Variants in ARHGEF4 observed in about 807,000 individuals in gnomAD.
The protein encoded by ARHGEF4 is APC-stimulated guanine nucleotide exchange factor 1.
A neutral mutation model predicts 162.0 loss-of-function variants in ARHGEF4; 119 were observed. The observed-to-expected ratio is 0.73, with a 90% confidence interval of 0.63 to 0.86. ARHGEF4 has a LOEUF of 0.86. ARHGEF4 is among the 40% of genes least tolerant of loss of function. ARHGEF4 has a pLI of 0.00. For synonymous variants in ARHGEF4, 1,014 were observed against 979.9 expected, an observed-to-expected ratio of 1.03 and a Z score of -0.65; for missense variants, 2,488 against 2,456.0, an observed-to-expected ratio of 1.01 and a Z score of -0.28.
rs759809329 is a variant in ARHGEF4, at chr2:131,015,511, C to T, written c.3986-12434C>T. On this transcript the variant is annotated intron_variant, in intron 4 of 13. Coordinates refer to ENST00000409359, the MANE Select transcript of ARHGEF4 (RefSeq NM_001367493.1). ...TGGTCGGGGAGCCCTGGTGTGGGTG[C>T]CTGGGAACTCTGTGCTGGTTGACCG... is the stretch of plus-strand genomic sequence containing the variant. 2.6e-4 allele frequency among the ~76,000 whole-genome samples: 40 copies of T among 152,128 alleles called. 1 individual carries two copies. The highest frequency in any genetic ancestry group is 7.3e-5 in the Non-Finnish European group (5 of 68,028).
At chr2:130,884,556 ATATATGG>A (rs1679393188) in intron 1 of ARHGEF4, among the ~76,000 whole-genome samples, 1 of 152,076 alleles carries the variant, frequency 6.6e-6, no homozygotes, top group African/African-American at 2.4e-5. Context: ...AGCGCACCTG[ATATATGG>A]TGGCTGGCAT....
At chr2:130,866,467 T>C (rs996381523) in intron 1 of ARHGEF4, among the ~76,000 whole-genome samples, 4 of 152,282 alleles carry the variant, frequency 2.6e-5, no homozygotes, top group Admixed American at 2.0e-4. Context: ...CCATGCTATG[T>C]TATGTGGCAA....
At chr2:131,000,823 A>G (rs971604102) in intron 4 of ARHGEF4, among the ~76,000 whole-genome samples, 2 of 152,224 alleles carry the variant, frequency 1.3e-5, no homozygotes, top group Non-Finnish European at 2.9e-5. Context: ...AAAGCCTATT[A>G]TAAAGGAAAA....
intron 4 of ARHGEF4, among the ~76,000 whole-genome samples, chr2:131,025,755 C>T (rs1042502798): frequency 8.5e-5 from 13 of 152,162 alleles, no homozygotes; most frequent in South Asian, 2.1e-4. Flanking sequence ...TACAGGGATG[C>T]GTTTCCTTCT....
intron 1 of ARHGEF4, among the ~76,000 whole-genome samples, chr2:130,871,860 C>A (rs1191419236): frequency 6.6e-6 from 1 of 152,132 alleles, no homozygotes. Context: ...ATGGAGAGAC[C>A]TTATCTCCCT....
intron 4 of ARHGEF4, among the ~76,000 whole-genome samples, chr2:131,023,388 A>G (rs1405465999): frequency 6.6e-6 from 1 of 152,104 alleles, no homozygotes; most frequent in Non-Finnish European, 1.5e-5. Context: ...AGCCATGATC[A>G]TGCCCCTGCA....
At chr2:131,004,444 C>T (rs1187640671) in intron 4 of ARHGEF4, among the ~76,000 whole-genome samples, 3 of 152,198 alleles carry the variant, frequency 2.0e-5, no homozygotes, top group Non-Finnish European at 4.4e-5. Context: ...GGATTACAGG[C>T]GTGAGCCACC....
chr2:130,975,906 G>A (rs1315952841), intron 4 of ARHGEF4, among the ~76,000 whole-genome samples: 1 of 152,136 alleles, frequency 6.6e-6, no homozygotes, highest in Admixed American at 6.5e-5. Context: ...GAGAAAGGAC[G>A]GGCGCTCAGG....
Position 130,999,909 on chromosome 2 carries a change from A to G in ARHGEF4, c.3986-28036A>G, listed in dbSNP as rs574083303. Among the ~76,000 whole-genome samples, 23 of 152,256 alleles carry G rather than the reference A, an allele frequency of 1.5e-4. No homozygotes were observed. In the South Asian group the frequency reaches 4.8e-3, roughly 32 times the overall value. ...GTATTTTTAGTAGAGGCAGGGTTTC[A>G]CCATGTTGGCCAGGCTGGTCTTGAA... On this transcript the variant is annotated intron_variant, in intron 4 of 13. Coordinates refer to ENST00000409359, the MANE Select transcript of ARHGEF4 (RefSeq NM_001367493.1).
chr2:131,009,291 ATGT>A (rs767191046), intron 4 of ARHGEF4, among the ~76,000 whole-genome samples: 2 of 152,206 alleles, frequency 1.3e-5, no homozygotes, highest in Non-Finnish European at 2.9e-5. Flanking sequence ...CAATTCAAAG[ATGT>A]TGTTACAGTA....
intron 1 of ARHGEF4, among the ~76,000 whole-genome samples, chr2:130,884,633 C>T (rs1679399481): frequency 6.6e-6 from 1 of 152,106 alleles, no homozygotes; most frequent in African/African-American, 2.4e-5. Context: ...AGCGTTCATC[C>T]TCTGCTGGAC....
At chr2:130,981,383 C>T (rs1361075192) in intron 4 of ARHGEF4, among the ~76,000 whole-genome samples, 9 of 152,074 alleles carry the variant, frequency 5.9e-5, no homozygotes, top group Non-Finnish European at 1.2e-4. Context: ...CAAATAAAAA[C>T]TAGAAGTGAA....
At chr2:131,030,912 C>T (rs937922785) in intron 5 of ARHGEF4, among the ~76,000 whole-genome samples, 5 of 152,254 alleles carry the variant, frequency 3.3e-5, no homozygotes, top group Non-Finnish European at 7.3e-5. Flanking sequence ...TGTCCTGCGA[C>T]AGGCCAGTTC....
chr2:130,882,104 C>T (rs924485874), intron 1 of ARHGEF4, among the ~76,000 whole-genome samples: 11 of 152,128 alleles, frequency 7.2e-5, no homozygotes, highest in African/African-American at 1.9e-4. Context: ...TCCCCAAGCC[C>T]GCTTTCCCAA....
intron 4 of ARHGEF4, among the ~76,000 whole-genome samples, chr2:130,953,721 C>A (rs1279734610): frequency 2.0e-5 from 3 of 152,010 alleles, no homozygotes; most frequent in Non-Finnish European, 2.9e-5. Context: ...AAAAAAACAA[C>A]CCTGTCAAAA....
At chr2:130,991,002 C>T (rs1455206190) in intron 4 of ARHGEF4, among the ~76,000 whole-genome samples, 1 of 152,150 alleles carries the variant, frequency 6.6e-6, no homozygotes, top group Non-Finnish European at 1.5e-5. Flanking sequence ...TTTAGTGATA[C>T]AGGGCATTTG....
At chr2:131,028,451 A>G (rs145568151) in intron 5 of ARHGEF4, among the ~76,000 whole-genome samples, 213 of 152,128 alleles carry the variant, frequency 1.4e-3, no homozygotes, top group Non-Finnish European at 2.3e-3. Flanking sequence ...TGACCCCCCA[A>G]CCAGCCATCT....
At chr2:130,974,272 GAA>G (rs751083208) in intron 4 of ARHGEF4, among the ~76,000 whole-genome samples, 8 of 133,482 alleles carry the variant, frequency 6.0e-5, no homozygotes, top group Admixed American at 1.5e-4. Flanking sequence ...ATCTTGTCTG[GAA>G]AAAAAAAAAA....
chr2:130,962,739 A>G lies in ARHGEF4; in HGVS notation c.3985+16104A>G, dbSNP rs150549191. ...CTCATTTCATCCTCTCCCTCTCAAT[A>G]CTTCTGCTGCTTACACTAGAAGCAG... On this transcript the variant is annotated intron_variant, in intron 4 of 13. Coordinates refer to ENST00000409359, the MANE Select transcript of ARHGEF4 (RefSeq NM_001367493.1). Among the ~76,000 whole-genome samples the G allele has an allele frequency of 6.5e-3, 954 of 147,862 alleles. 12 individuals are homozygous for G. The highest frequency in any genetic ancestry group is 0.023 in the African/African-American group (921 of 39,766).
Sources: gnomAD v4.1 joint callset for allele counts (sites outside exome capture counted in the v4.1 genomes callset) on GRCh38, gnomAD v4.1.1 for gene constraint, MANE v1.5 for transcripts, NCBI Gene and HGNC (gene_info 2026-07-23, HGNC 2026-07-21) for gene names.